The following PTPN14 variants were observed in gnomAD, a reference collection of about 807,000 sequenced individuals.
PTPN14 encodes protein tyrosine phosphatase non-receptor type 14, also known as tyrosine-protein phosphatase non-receptor type 14.
PTPN14 carries 53 observed loss-of-function variants against 126.8 expected under a neutral mutation model. The ratio of observed to expected loss-of-function variants is 0.42; its 90% CI spans 0.34 to 0.53. The LOEUF (loss-of-function observed/expected upper bound fraction) is 0.53, where lower values mean the gene tolerates loss of function less well. Ranked by LOEUF, PTPN14 falls within the 20% of genes least tolerant of loss-of-function variation. The probability of loss-of-function intolerance (pLI) is 0.08; values close to 1 mark genes in which losing one functional copy is unlikely to be tolerated. For missense variants in PTPN14, 1,257 were observed against 1,552.9 expected (o/e 0.81, Z 3.20); for synonymous variants, 630 against 599.3 (o/e 1.05, Z -0.75).
intron 7 of PTPN14, among the ~76,000 whole-genome samples, chr1:214,398,752 A>C (rs1274538468): frequency 6.9e-6 from 1 of 144,250 alleles, no homozygotes; most frequent in Admixed American, 7.0e-5. Flanking sequence ...TGTATTCTTG[A>C]AATCACTAAA....
chr1:214,364,742 G>C lies in PTPN14; in HGVS notation c.3272-67C>G, dbSNP rs1571951591. 6.5e-7 allele frequency: 1 copy of C among 1,527,708 alleles called. No individual in the cohort carries two copies. The highest frequency in any genetic ancestry group is 2.3e-5 in the East Asian group (1 of 43,494). The allele number at this position is 1,527,708 out of a possible 1,614,324, so 94.6% of individuals were successfully genotyped here. On this transcript the variant is annotated intron_variant, in intron 17 of 18. Transcript: ENST00000366956. The surrounding 1 kb of genome is among the most constrained non-coding windows in gnomAD (Gnocchi z 4.1). ...GGCTTCGCATGTAAGTTGGGGAGGGGGGAGCGGAAGAGAACTGATGGTGAG... is the reference window on the plus strand; with the variant it reads ...GGCTTCGCATGTAAGTTGGGGAGGGCGGAGCGGAAGAGAACTGATGGTGAG...
At chr1:214,413,008 T>G (rs1001289044) in intron 4 of PTPN14, among the ~76,000 whole-genome samples, 4 of 152,200 alleles carry the variant, frequency 2.6e-5, no homozygotes, top group African/African-American at 9.7e-5. Context: ...TAGCTGGGAC[T>G]ATAGGTGCAC....
rs1222332193 is a variant in PTPN14, at chr1:214,352,130, A to G, written c.*5792T>C. ...TTTATTTTTAAAATGGGAAGGCTAA[A>G]AACAAAGCTGCAAACGGTAGGAACT... On this transcript the variant is annotated 3_prime_UTR_variant, in exon 19 of 19. Coordinates refer to ENST00000366956, the MANE Select transcript of PTPN14 (RefSeq NM_005401.5). 6.6e-6 allele frequency: 1 copy of G among 152,188 alleles called. No individual in the cohort carries two copies. Among genetic ancestry groups the G allele is most frequent in the Non-Finnish European group, 1.5e-5 (1 of 68,036 alleles). The allele number at this position is 152,188 out of a possible 1,614,324, so 9.4% of individuals were successfully genotyped here.
In PTPN14 at chr1:214,516,877, C is replaced by T. The variant is rs183087889; in HGVS notation, c.-155+34306G>A. Reference sequence around the variant, plus strand: ...CCCACTTGATAGCAATTCCTGTTCCCCACCCCACCCCACTCCACCTACGCT... The same window carrying T: ...CCCACTTGATAGCAATTCCTGTTCCTCACCCCACCCCACTCCACCTACGCT... On this transcript the variant is annotated intron_variant, in intron 1 of 18. Transcript: ENST00000366956. Among the ~76,000 whole-genome samples, 719 of 152,168 alleles carry T rather than the reference C, an allele frequency of 4.7e-3. 3 individuals carry two copies. Among genetic ancestry groups the T allele is most frequent in the African/African-American group, 0.016 (680 of 41,502 alleles).
At chr1:214,449,024 T>TTTTTTTTTTTTTTTTTTAG (rs1553267715) in intron 3 of PTPN14, among the ~76,000 whole-genome samples, 1 of 141,758 alleles carries the variant, frequency 7.1e-6, no homozygotes, top group Admixed American at 7.2e-5. Context: ...TTTTTTTTTT[T>TTTTTTTTTTTTTTTTTTAG]GAGACGGAGT....
intron 3 of PTPN14, among the ~76,000 whole-genome samples, chr1:214,445,408 C>T (rs949070655): frequency 3.9e-5 from 6 of 152,098 alleles, no homozygotes; most frequent in African/African-American, 7.2e-5. Context: ...GGGTGGACAG[C>T]CCCACCCAAA....
At chr1:214,548,744 T>C (rs1189960284) in intron 1 of PTPN14, among the ~76,000 whole-genome samples, 1 of 152,064 alleles carries the variant, frequency 6.6e-6, no homozygotes, top group Non-Finnish European at 1.5e-5. Context: ...AAATAAAAAA[T>C]CCTCATAGTT....
intron 3 of PTPN14, among the ~76,000 whole-genome samples, chr1:214,419,093 T>C (rs1168310212): frequency 6.6e-6 from 1 of 152,204 alleles, no homozygotes; most frequent in Non-Finnish European, 1.5e-5. Context: ...CTGAGCAGCT[T>C]CTATATTATC....
chr1:214,403,305 G>T (rs1659079890), intron 5 of PTPN14, among the ~76,000 whole-genome samples: 1 of 152,248 alleles, frequency 6.6e-6, no homozygotes, highest in East Asian at 1.9e-4. Context: ...CTAATGATTG[G>T]GGTATAGGCC....
intron 1 of PTPN14, chr1:214,532,358 G>A: frequency 1.7e-6 from 1 of 578,024 alleles, no homozygotes; most frequent in South Asian, 1.7e-5. Context: ...ATGGCTTGGG[G>A]TCCCGGGGCC....
At chr1:214,473,956 TTGCTAA>T (rs1660814957) in intron 1 of PTPN14, among the ~76,000 whole-genome samples, 1 of 152,196 alleles carries the variant, frequency 6.6e-6, no homozygotes, top group Non-Finnish European at 1.5e-5. Flanking sequence ...CTGACTTTAG[TTGCTAA>T]TGAAAATAAC....
At chr1:214,377,479 G>A (rs574888290) in intron 14 of PTPN14, among the ~76,000 whole-genome samples, 1 of 152,152 alleles carries the variant, frequency 6.6e-6, no homozygotes, top group African/African-American at 2.4e-5. Context: ...CCTGTGACAT[G>A]TGTTTACCTA....
chr1:214,488,978 A>T (rs1014980734), intron 1 of PTPN14, among the ~76,000 whole-genome samples: 1 of 152,242 alleles, frequency 6.6e-6, no homozygotes, highest in African/African-American at 2.4e-5. Context: ...ATTCAAAGAC[A>T]TCAGAATTTC....
intron 3 of PTPN14, among the ~76,000 whole-genome samples, chr1:214,430,997 C>A (rs1376557278): frequency 2.0e-5 from 3 of 152,138 alleles, no homozygotes; most frequent in Non-Finnish European, 2.9e-5. Flanking sequence ...AGAGGTGAGT[C>A]TGGAAGGCAA....
Position 214,384,532 on chromosome 1 carries a change from T to C in PTPN14, c.1323A>G (p.Pro441=). The change falls in exon 13 of 19, where the codon CCA becomes CCG. Residue 441 remains proline (P), a synonymous_variant. Coordinates refer to ENST00000366956, the MANE Select transcript of PTPN14 (RefSeq NM_005401.5). The surrounding 1 kb of genome is among the most constrained non-coding windows in gnomAD (Gnocchi z 5.3). Reference sequence around the variant, plus strand: ...GCATGACTGTCTCATAATCGGGGGTTGGCCTGTACGAGGGCACGATGATCG... The same window carrying C: ...GCATGACTGTCTCATAATCGGGGGTCGGCCTGTACGAGGGCACGATGATCG... ...HSAIIVPSYR[P]TPDYETVMRQ... is the part of the protein sequence containing the mutation. The C allele has an allele frequency of 6.2e-7, 1 of 1,614,134 alleles. No homozygotes were observed. Among genetic ancestry groups the C allele is most frequent in the Non-Finnish European group, 8.5e-7 (1 of 1,180,030 alleles).
intron 1 of PTPN14, among the ~76,000 whole-genome samples, chr1:214,479,039 T>C (rs536142365): frequency 6.6e-6 from 1 of 151,774 alleles, no homozygotes; most frequent in Admixed American, 6.6e-5. Flanking sequence ...GGATCAAGCA[T>C]TCCTTTTTAA....
At chr1:214,470,104 T>C (rs769301245) in intron 1 of PTPN14, among the ~76,000 whole-genome samples, 105 of 139,142 alleles carry the variant, frequency 7.5e-4, no homozygotes, top group Non-Finnish European at 7.6e-4. Context: ...CTGGGCAAAA[T>C]AGCGAGACTT....
intron 9 of PTPN14, among the ~76,000 whole-genome samples, chr1:214,394,578 T>G (rs1658834518): frequency 6.6e-6 from 1 of 152,116 alleles, no homozygotes; most frequent in Non-Finnish European, 1.5e-5. Flanking sequence ...TGGGTAATTT[T>G]TGTATTTTTA....
chr1:214,393,640 C>T (rs1658809911), intron 10 of PTPN14, 55 bp downstream of exon 10: 1 of 1,350,170 alleles, frequency 7.4e-7, no homozygotes, highest in African/African-American at 1.5e-5. Flanking sequence ...CCCAAAAGGA[C>T]ATTAATTTAA....
Sources: allele counts gnomAD v4.1 joint callset (sites outside exome capture counted in the v4.1 genomes callset), GRCh38; gene constraint gnomAD v4.1.1; non-coding constraint Gnocchi (gnomAD v3.1); transcripts MANE v1.5; gene names NCBI Gene and HGNC (gene_info 2026-07-23, HGNC 2026-07-21).